The following PPME1 variants were observed in gnomAD, a reference collection of about 807,000 sequenced individuals.
PPME1 encodes testicular secretory protein Li 39.
A neutral mutation model predicts 56.9 loss-of-function variants in PPME1; 17 were observed. That is an observed-to-expected ratio of 0.30 (90% CI 0.20 to 0.45). The LOEUF is 0.45. Among genes scored for constraint, PPME1 ranks in the 20% least tolerant of loss-of-function variants. PPME1 has a pLI of 1.00. For synonymous variants in PPME1, 122 were observed against 156.2 expected, an observed-to-expected ratio of 0.78 and a Z score of 1.63; for missense variants, 357 against 483.2, an observed-to-expected ratio of 0.74 and a Z score of 2.45.
At chr11:74,193,606 G>GT (rs1857900738) in intron 1 of PPME1, among the ~76,000 whole-genome samples, 1 of 152,026 alleles carries the variant, frequency 6.6e-6, no homozygotes, top group African/African-American at 2.4e-5. Context: ...CAGAACTTCA[G>GT]TTTGACATAT....
At position 74,223,787 on chromosome 11, in the gene PPME1, GTT is replaced by G. The variant is rs1206362825; in HGVS notation, c.347-1417_347-1416del. On this transcript the variant is annotated intron_variant, in intron 4 of 13. Coordinates refer to ENST00000328257, the MANE Select transcript of PPME1 (RefSeq NM_016147.3). ...TGTCCTTCGCCCACTTTTTGATGGG[GTT>G]GTTTGTTTTTTTCTTGTAAATTTGT... Among the ~76,000 whole-genome samples the G allele has an allele frequency of 2.1e-5, 3 of 141,156 alleles. No homozygotes were observed. The East Asian group carries it at 6.1e-4, about 29-fold the overall frequency. The allele number at this position is 141,156 out of a possible 152,430, so 92.6% of individuals were successfully genotyped here.
rs1210538113 is a variant in PPME1, at chr11:74,171,513, T to C, written c.92T>C (p.Met31Thr). The stretch of plus-strand genomic sequence containing the variant: ...GGGGGCAGTCAGAGCGGAGCCAAGA[T>C]GCGAATGGGGTACGTGACCCATACC... ...GSGGSQSGAKMRMGPGRKRDF... is the reference protein window; with the variant it reads ...GSGGSQSGAKTRMGPGRKRDF... Residue 31 changes from methionine to threonine, a missense_variant, in exon 1 of 14, where the codon ATG becomes ACG. Transcript: ENST00000328257. 1.2e-6 allele frequency: 2 copies of C among 1,612,540 alleles called. No individual in the cohort carries two copies. Among genetic ancestry groups the C allele is most frequent in the East Asian group, 4.5e-5 (2 of 44,856 alleles).
At chr11:74,244,729 G>C (rs553829108) in intron 9 of PPME1, among the ~76,000 whole-genome samples, 1 of 152,216 alleles carries the variant, frequency 6.6e-6, no homozygotes, top group African/African-American at 2.4e-5. Flanking sequence ...AGTACCATTT[G>C]TCTATTTTTG....
chr11:74,196,709 G>A (rs1295591401), intron 1 of PPME1, among the ~76,000 whole-genome samples: 1 of 152,134 alleles, frequency 6.6e-6, no homozygotes, highest in Non-Finnish European at 1.5e-5. Context: ...AGTAAGAGGA[G>A]GAACATATCC....
At chr11:74,239,003 A>G (rs1427502183) in intron 8 of PPME1, 130 bp from the exon 9 acceptor site, 10 of 910,926 alleles carry the variant, frequency 1.1e-5, no homozygotes, top group South Asian at 7.5e-5. Context: ...GCACAATTCT[A>G]TCCTCCTACC....
chr11:74,243,998 T>C (rs1859444242), intron 9 of PPME1, among the ~76,000 whole-genome samples: 1 of 152,206 alleles, frequency 6.6e-6, no homozygotes, highest in Non-Finnish European at 1.5e-5. Flanking sequence ...TTGACTATTT[T>C]AGATACCTCA....
chr11:74,240,029 G>A (rs1017593501), intron 9 of PPME1, among the ~76,000 whole-genome samples: 4 of 141,376 alleles, frequency 2.8e-5, no homozygotes, highest in Non-Finnish European at 4.5e-5. Context: ...CTTGGCTCAC[G>A]TGATCATCCC....
chr11:74,201,702 T>G (rs866759716), intron 1 of PPME1, among the ~76,000 whole-genome samples: 4 of 152,346 alleles, frequency 2.6e-5, no homozygotes, highest in African/African-American at 9.6e-5. Context: ...TGGAATCACG[T>G]CTGTGAAGTA....
chr11:74,188,470 C>T (rs773342768), intron 1 of PPME1, among the ~76,000 whole-genome samples: 1 of 152,070 alleles, frequency 6.6e-6, no homozygotes, highest in Non-Finnish European at 1.5e-5. Flanking sequence ...CAGGGGTGAG[C>T]CACTGCGCCC....
intron 7 of PPME1, among the ~76,000 whole-genome samples, chr11:74,235,076 T>C (rs1859157856): frequency 6.6e-6 from 1 of 152,222 alleles, no homozygotes; most frequent in Admixed American, 6.5e-5. Context: ...ACCATTAAAG[T>C]AAGAAATCAT....
intron 3 of PPME1, among the ~76,000 whole-genome samples, chr11:74,214,215 C>T (rs1858558151): frequency 6.6e-6 from 1 of 152,118 alleles, no homozygotes; most frequent in African/African-American, 2.4e-5. Flanking sequence ...GCATCAGAGT[C>T]TCTTAACATA....
Position 74,253,505 on chromosome 11 carries a change from T to A in PPME1, c.1156T>A (p.Cys386Ser). 1 of 1,609,052 alleles carries A rather than the reference T, an allele frequency of 6.2e-7. No homozygotes were observed. The highest frequency in any genetic ancestry group is 8.5e-7 in the Non-Finnish European group (1 of 1,175,390). The change falls in exon 14 of 14, where the codon TGT becomes AGT. Residue 386 changes from cysteine (C) to serine (S), a missense_variant. Cys to Ser is a moderately radical substitution (Grantham distance 112, BLOSUM62 -1). Coordinates refer to ENST00000328257, the MANE Select transcript of PPME1 (RefSeq NM_016147.3). ...IGGFQCVFPG[C>S] ...GTTCTTCCACAGTGTGTTTCCTGGCTGTTAGTGACCTGCTGTCCACCCCTC... is the reference window on the plus strand; with the variant it reads ...GTTCTTCCACAGTGTGTTTCCTGGCAGTTAGTGACCTGCTGTCCACCCCTC...
Position 74,253,706 on chromosome 11 carries a change from C to T in PPME1, c.*196C>T. 1 of 644,082 alleles carries T rather than the reference C, an allele frequency of 1.6e-6. No homozygotes were observed. The highest frequency in any genetic ancestry group is 2.7e-6 in the Non-Finnish European group (1 of 364,304). 39.9% of individuals were successfully genotyped at this position (644,082 alleles called of 1,614,324 possible). On this transcript the variant is annotated 3_prime_UTR_variant, in exon 14 of 14. Coordinates refer to ENST00000328257, the MANE Select transcript of PPME1 (RefSeq NM_016147.3). ...ATTGTTTTCCAGGGCCCTTGACCAA[C>T]ATCGGCTTCCCCAGTCCAGGGCTCC...
intron 8 of PPME1, among the ~76,000 whole-genome samples, chr11:74,236,844 C>T (rs1379208422): frequency 2.0e-5 from 3 of 152,126 alleles, no homozygotes; most frequent in Non-Finnish European, 2.9e-5. Flanking sequence ...AACATCATCA[C>T]GATGACATTA....
intron 1 of PPME1, among the ~76,000 whole-genome samples, chr11:74,200,926 T>G (rs1287668526): frequency 6.6e-6 from 1 of 152,136 alleles, no homozygotes; most frequent in African/African-American, 2.4e-5. Context: ...GCTCAATTTA[T>G]CTTCCCACCT....
At chr11:74,243,351 T>G (rs1372263165) in intron 9 of PPME1, 2 of 151,932 alleles carry the variant, frequency 1.3e-5, no homozygotes, top group Non-Finnish European at 2.9e-5. Context: ...GTTATATATA[T>G]ATATATTATA....
intron 9 of PPME1, among the ~76,000 whole-genome samples, chr11:74,243,886 T>G (rs1859441255): frequency 6.6e-6 from 1 of 152,116 alleles, no homozygotes; most frequent in Non-Finnish European, 1.5e-5. Flanking sequence ...ATATTCACAT[T>G]GTTGTGAAAC....
Position 74,230,798 on chromosome 11 carries a change from C to T in PPME1, c.554-114C>T, listed in dbSNP as rs761277731. ...ATTGAGGGCCATCTTTATTTCTCTG[C>T]GAGCATCACTAAATTCTGCTGTCAT... is the stretch of plus-strand genomic sequence containing the variant. On this transcript the variant is annotated intron_variant, in intron 6 of 13. Transcript: ENST00000328257. The surrounding 1 kb of genome is among the most constrained non-coding windows in gnomAD (Gnocchi z 4.9). 91 of 829,386 alleles carry T rather than the reference C, an allele frequency of 1.1e-4. No individual in the cohort carries two copies. The highest frequency in any genetic ancestry group is 1.7e-4 in the South Asian group (10 of 59,564). The allele number at this position is 829,386 out of a possible 1,614,324, so 51.4% of individuals were successfully genotyped here.
At chr11:74,218,984 A>G (rs1304871652) in intron 3 of PPME1, among the ~76,000 whole-genome samples, 2 of 152,196 alleles carry the variant, frequency 1.3e-5, no homozygotes, top group African/African-American at 2.4e-5. Flanking sequence ...CAAACTATCC[A>G]TCTGACAAGG....
Sources: gnomAD v4.1 joint callset for allele counts (sites outside exome capture counted in the v4.1 genomes callset) on GRCh38, gnomAD v4.1.1 for gene constraint, Gnocchi (gnomAD v3.1) non-coding constraint, MANE v1.5 for transcripts, NCBI Gene and HGNC (gene_info 2026-07-23, HGNC 2026-07-21) for gene names.